Variants in CDH13 observed in about 807,000 individuals in gnomAD.
CDH13 encodes cadherin-13.
Under a neutral mutation model 63.8 loss-of-function variants are expected in CDH13, and 24 were observed. That is an observed-to-expected ratio of 0.38 (90% confidence interval 0.27 to 0.53). CDH13 has a LOEUF of 0.53. Ranked by LOEUF, CDH13 falls within the 20% of genes least tolerant of loss-of-function variation. The pLI is 0.85. For synonymous variants in CDH13, 503 were observed against 355.3 expected (o/e 1.42, Z -4.67); for missense variants, 1,049 against 903.1 (o/e 1.16, Z -2.07).
intron 3 of CDH13, among the ~76,000 whole-genome samples, chr16:83,091,273 A>C (rs965833507): frequency 9.2e-5 from 14 of 152,102 alleles, no homozygotes; most frequent in African/African-American, 3.4e-4. Context: ...GCTATCAGAA[A>C]AAAAAAAATT....
At chr16:82,843,854 C>T (rs1056144535) in intron 1 of CDH13, among the ~76,000 whole-genome samples, 9 of 152,218 alleles carry the variant, frequency 5.9e-5, no homozygotes, top group African/African-American at 2.2e-4. Flanking sequence ...ATTGACACAA[C>T]ACCAGGCCTG....
At chr16:83,373,149 A>G (rs907736658) in intron 6 of CDH13, among the ~76,000 whole-genome samples, 29 of 152,214 alleles carry the variant, frequency 1.9e-4, no homozygotes, top group African/African-American at 3.4e-4. Flanking sequence ...TGTTTAAACT[A>G]TATTGAAAAC....
intron 5 of CDH13, among the ~76,000 whole-genome samples, chr16:83,282,406 G>A (rs768362395): frequency 1.3e-5 from 2 of 152,152 alleles, no homozygotes; most frequent in Non-Finnish European, 2.9e-5. Flanking sequence ...TAGAATAAAA[G>A]CAAAGCACAA....
intron 2 of CDH13, among the ~76,000 whole-genome samples, chr16:83,008,857 T>G (rs1913822885): frequency 1.3e-5 from 2 of 152,230 alleles, no homozygotes; most frequent in African/African-American, 4.8e-5. Flanking sequence ...AGAGGTTTCA[T>G]TGACTCACAG....
intron 3 of CDH13, among the ~76,000 whole-genome samples, chr16:83,113,256 T>C (rs1457502583): frequency 2.0e-5 from 3 of 152,234 alleles, no homozygotes; most frequent in Non-Finnish European, 4.4e-5. Flanking sequence ...TTACTCTTAT[T>C]AGAGAGAAGA....
chr16:82,753,873 G>T (rs779731560), intron 1 of CDH13, among the ~76,000 whole-genome samples: 7 of 152,146 alleles, frequency 4.6e-5, no homozygotes, highest in Non-Finnish European at 2.9e-5. Context: ...ATCACCAAGG[G>T]CCATCTGTCT....
intron 4 of CDH13, among the ~76,000 whole-genome samples, chr16:83,128,954 G>A (rs1317962181): frequency 3.3e-5 from 5 of 152,182 alleles, no homozygotes; most frequent in Non-Finnish European, 7.4e-5. Flanking sequence ...GATGTTTTTT[G>A]TAGAATTACT....
chr16:83,196,437 G>C (rs1197419862), intron 4 of CDH13, among the ~76,000 whole-genome samples: 1 of 152,092 alleles, frequency 6.6e-6, no homozygotes, highest in Non-Finnish European at 1.5e-5. Flanking sequence ...TGATAAATTA[G>C]ACTTTATCAA....
intron 3 of CDH13, among the ~76,000 whole-genome samples, chr16:83,103,007 C>T (rs1454355554): frequency 8.7e-6 from 1 of 114,734 alleles, no homozygotes; most frequent in African/African-American, 3.5e-5. Flanking sequence ...GGTTGGAGTG[C>T]AGTGGCACAA....
At chr16:83,156,485 T>C (rs2037211536) in intron 4 of CDH13, among the ~76,000 whole-genome samples, 1 of 152,184 alleles carries the variant, frequency 6.6e-6, no homozygotes, top group Non-Finnish European at 1.5e-5. Flanking sequence ...AGCATTTCCT[T>C]TAGGGGAGTG....
intron 1 of CDH13, among the ~76,000 whole-genome samples, chr16:82,815,736 T>C (rs2037674431): frequency 6.6e-6 from 1 of 152,172 alleles, no homozygotes; most frequent in Admixed American, 6.5e-5. Context: ...GACTATCACT[T>C]TGTTGGCCAC....
intron 5 of CDH13, among the ~76,000 whole-genome samples, chr16:83,220,357 T>C (rs1191114304): frequency 6.6e-6 from 1 of 152,200 alleles, no homozygotes; most frequent in Admixed American, 6.5e-5. Flanking sequence ...CAAGTGCCTG[T>C]TTAAGAATAA....
At chr16:82,676,549 A>G (rs1022024721) in intron 1 of CDH13, among the ~76,000 whole-genome samples, 21 of 145,954 alleles carry the variant, frequency 1.4e-4, no homozygotes, top group African/African-American at 5.1e-4. Flanking sequence ...TCATACCACA[A>G]TCACTCTTAC....
intron 7 of CDH13, among the ~76,000 whole-genome samples, chr16:83,554,238 T>C (rs528377285): frequency 6.7e-6 from 1 of 150,274 alleles, no homozygotes; most frequent in East Asian, 2.0e-4. Context: ...AAATAGGCAA[T>C]GGAGGAGAGC....
At chr16:83,247,088 A>T (rs893337308) in intron 5 of CDH13, among the ~76,000 whole-genome samples, 5 of 152,194 alleles carry the variant, frequency 3.3e-5, no homozygotes, top group African/African-American at 1.2e-4. Flanking sequence ...CCTACCTCTA[A>T]ACAGGAGGGC....
intron 3 of CDH13, among the ~76,000 whole-genome samples, chr16:83,059,777 GT>G (rs370110417): frequency 0.054 from 5,728 of 105,184 alleles, 198 homozygotes; most frequent in African/African-American, 0.13. Context: ...TTTTGCCTTT[GT>G]TTTTTTTTTT....
intron 10 of CDH13, among the ~76,000 whole-genome samples, chr16:83,711,515 T>G (rs1287502521): frequency 2.6e-5 from 4 of 152,140 alleles, no homozygotes; most frequent in East Asian, 1.9e-4. Context: ...TTGGTTTTTT[T>G]GTTTTTTGTT....
intron 1 of CDH13, among the ~76,000 whole-genome samples, chr16:82,839,487 G>A (rs546236511): frequency 1.5e-4 from 23 of 152,248 alleles, no homozygotes; most frequent in East Asian, 3.9e-4. Context: ...CTCTAAAACC[G>A]AAACCTAGAC....
At chr16:83,185,644 A>C (rs1230235105) in intron 4 of CDH13, among the ~76,000 whole-genome samples, 1 of 152,234 alleles carries the variant, frequency 6.6e-6, no homozygotes, top group African/African-American at 2.4e-5. Flanking sequence ...GAAAACGTCT[A>C]ATCTGTTTCT....
Sources: gnomAD v4.1 joint callset for allele counts (sites outside exome capture counted in the v4.1 genomes callset) on GRCh38, gnomAD v4.1.1 for gene constraint, MANE v1.5 for transcripts, NCBI Gene and HGNC (gene_info 2026-07-23, HGNC 2026-07-21) for gene names.